The following CHST11 variants were observed in gnomAD, a reference collection of about 807,000 sequenced individuals.
The protein encoded by CHST11 is carbohydrate sulfotransferase 11, also known as C4S-1.
A neutral mutation model predicts 30.4 loss-of-function variants in CHST11; 9 were observed. The observed-to-expected ratio is 0.30, with a 90% CI of 0.18 to 0.52. The LOEUF is 0.52. Ranked by LOEUF, CHST11 falls within the 20% of genes least tolerant of loss-of-function variation. CHST11 has a pLI of 0.97. For synonymous variants in CHST11, 152 were observed against 187.8 expected (o/e 0.81, Z 1.56); for missense variants, 348 against 460.6 (o/e 0.76, Z 2.24).
At chr12:104,717,679 G>C (rs575731063) in intron 2 of CHST11, among the ~76,000 whole-genome samples, 5 of 152,320 alleles carry the variant, frequency 3.3e-5, no homozygotes, top group African/African-American at 1.2e-4. Flanking sequence ...TCTGAGGCAG[G>C]AGAATCACTT....
chr12:104,576,363 C>G (rs928709258), intron 1 of CHST11, among the ~76,000 whole-genome samples: 1 of 152,044 alleles, frequency 6.6e-6, no homozygotes, highest in Non-Finnish European at 1.5e-5. Flanking sequence ...ATTAGCAGGC[C>G]CATTTTGCAG....
intron 2 of CHST11, among the ~76,000 whole-genome samples, chr12:104,685,696 C>G (rs2039839718): frequency 6.6e-6 from 1 of 152,122 alleles, no homozygotes; most frequent in South Asian, 2.1e-4. Flanking sequence ...AGGGACTATT[C>G]TTGTTATGGT....
At chr12:104,520,113 T>C (rs1027319220) in intron 1 of CHST11, among the ~76,000 whole-genome samples, 7 of 152,292 alleles carry the variant, frequency 4.6e-5, no homozygotes, top group Admixed American at 3.9e-4. Context: ...TTGTCTGTTG[T>C]CTTTCTGCAC....
At chr12:104,592,957 A>G (rs1469039823) in intron 1 of CHST11, among the ~76,000 whole-genome samples, 1 of 152,176 alleles carries the variant, frequency 6.6e-6, no homozygotes, top group Admixed American at 6.5e-5. Flanking sequence ...CCTGGCCGGT[A>G]AATATTTTAA....
intron 2 of CHST11, among the ~76,000 whole-genome samples, chr12:104,722,308 G>T (rs559333133): frequency 6.6e-6 from 1 of 152,036 alleles, no homozygotes; most frequent in East Asian, 1.9e-4. Context: ...TGGCCAATTT[G>T]GTGTGTTTTT....
intron 1 of CHST11, among the ~76,000 whole-genome samples, chr12:104,544,161 A>AGGAAG (rs1491289724): frequency 2.9e-5 from 1 of 33,978 alleles, no homozygotes; most frequent in Admixed American, 4.0e-4. Context: ...AAAGAAAGAA[A>AGGAAG]GAAAGAAAGA....
At chr12:104,472,655 C>T (rs2037522109) in intron 1 of CHST11, among the ~76,000 whole-genome samples, 1 of 152,164 alleles carries the variant, frequency 6.6e-6, no homozygotes, top group Admixed American at 6.5e-5. Context: ...GCCCAAGGAA[C>T]ATTCATTCTA....
chr12:104,725,039 C>A (rs1054567399), intron 2 of CHST11, among the ~76,000 whole-genome samples: 1 of 152,078 alleles, frequency 6.6e-6, no homozygotes, highest in African/African-American at 2.4e-5. Flanking sequence ...AGAGTGTCAG[C>A]CTTGCGAGCC....
intron 2 of CHST11, among the ~76,000 whole-genome samples, chr12:104,610,304 C>G (rs921653474): frequency 6.6e-6 from 1 of 152,184 alleles, no homozygotes; most frequent in Non-Finnish European, 1.5e-5. Flanking sequence ...CCACATTTAA[C>G]TCAAGCTTTC....
chr12:104,630,695 C>T (rs1389177328), intron 2 of CHST11, among the ~76,000 whole-genome samples: 2 of 152,194 alleles, frequency 1.3e-5, no homozygotes, highest in Non-Finnish European at 2.9e-5. Flanking sequence ...CGTGGGTGCA[C>T]GTGCCCCTAT....
intron 2 of CHST11, among the ~76,000 whole-genome samples, chr12:104,734,322 C>T (rs888579229): frequency 6.6e-6 from 1 of 152,178 alleles, no homozygotes; most frequent in Non-Finnish European, 1.5e-5. Flanking sequence ...AGATGGTTGG[C>T]CTCAGGATCA....
intron 2 of CHST11, among the ~76,000 whole-genome samples, chr12:104,703,547 C>T (rs1351295041): frequency 6.6e-6 from 1 of 152,198 alleles, no homozygotes; most frequent in Non-Finnish European, 1.5e-5. Context: ...TGAACCCATC[C>T]TCCACCTCCT....
chr12:104,535,481 G>C (rs898850740), intron 1 of CHST11, among the ~76,000 whole-genome samples: 3 of 152,074 alleles, frequency 2.0e-5, no homozygotes, highest in African/African-American at 7.2e-5. Flanking sequence ...TAGACCTCAG[G>C]GCCAGATCTC....
chr12:104,643,234 G>C (rs565838182), intron 2 of CHST11, among the ~76,000 whole-genome samples: 1 of 152,212 alleles, frequency 6.6e-6, no homozygotes, highest in African/African-American at 2.4e-5. Flanking sequence ...AGGCTGAGGC[G>C]GGAGGATAGC....
chr12:104,656,464 T>C (rs2039545020), intron 2 of CHST11, among the ~76,000 whole-genome samples: 1 of 152,160 alleles, frequency 6.6e-6, no homozygotes, highest in African/African-American at 2.4e-5. Context: ...AGGCTCCGTC[T>C]CAGGTGGCCA....
At chr12:104,731,695 G>T (rs980421294) in intron 2 of CHST11, among the ~76,000 whole-genome samples, 2 of 152,250 alleles carry the variant, frequency 1.3e-5, no homozygotes, top group Non-Finnish European at 1.5e-5. Context: ...CACCTCTCAG[G>T]GTTGAAAGGA....
At chr12:104,495,623 A>G (rs2037791869) in intron 1 of CHST11, among the ~76,000 whole-genome samples, 1 of 152,186 alleles carries the variant, frequency 6.6e-6, no homozygotes, top group South Asian at 2.1e-4. Flanking sequence ...AAAATTGATA[A>G]CTACTATTTA....
chr12:104,623,524 A>C (rs1233697124), intron 2 of CHST11, among the ~76,000 whole-genome samples: 1 of 152,182 alleles, frequency 6.6e-6, no homozygotes, highest in Non-Finnish European at 1.5e-5. Context: ...TAGCCTGACC[A>C]ACATGGAGAA....
At chr12:104,604,491 A>G (rs1224680054) in intron 2 of CHST11, among the ~76,000 whole-genome samples, 1 of 152,182 alleles carries the variant, frequency 6.6e-6, no homozygotes, top group African/African-American at 2.4e-5. Context: ...CTTTTCAGAG[A>G]AACTGTCTTG....
Sources: gnomAD v4.1 joint callset for allele counts (sites outside exome capture counted in the v4.1 genomes callset) on GRCh38, gnomAD v4.1.1 for gene constraint, MANE v1.5 for transcripts, NCBI Gene and HGNC (gene_info 2026-07-23, HGNC 2026-07-21) for gene names.